Variants in ADGRL3 observed in about 807,000 individuals in gnomAD.
ADGRL3 encodes the protein calcium-independent alpha-latrotoxin receptor 3.
In ADGRL3, 62 loss-of-function variants were observed where a neutral mutation model predicts 153.5. The ratio of observed to expected loss-of-function variants is 0.40; its 90% CI spans 0.33 to 0.50. The LOEUF (loss-of-function observed/expected upper bound fraction) is 0.50. Ranked by LOEUF, ADGRL3 falls within the 20% of genes least tolerant of loss-of-function variation. The pLI is 0.47. For missense variants in ADGRL3, 1,641 were observed against 1,859.4 expected (o/e 0.88, Z 2.16); for synonymous variants, 710 against 672.5 (o/e 1.06, Z -0.86).
chr4:62,070,170 C>A lies in ADGRL3; in HGVS notation c.3894C>A (p.Asn1298Lys). 2 of 1,613,998 alleles carry A rather than the reference C, an allele frequency of 1.2e-6. No individual in the cohort carries two copies. The highest frequency in any genetic ancestry group is 1.7e-6 in the Non-Finnish European group (2 of 1,179,990). Residue 1298 changes from asparagine to lysine, a missense_variant, in exon 27 of 27, where the codon AAC (asparagine) becomes AAA (lysine). By Grantham distance (94) the Asn-to-Lys change is moderately conservative. Around this residue, in one of 5 missense-constraint regions of ADGRL3, gnomAD observed 517 missense variants for 555.0 expected, o/e 0.93. Coordinates refer to ENST00000683033, the MANE Select transcript of ADGRL3 (RefSeq NM_001387552.1). ...TGGATACTCTACCACTGAATGGTAA[C>A]CATGGCAATAGTTACAGCATTGCCA... ...SVMDTLPLNG[N>K]HGNSYSIASG...
Position 61,965,601 on chromosome 4 carries a change from A to T in ADGRL3, c.2806-13962A>T, listed in dbSNP as rs916304640. Among the ~76,000 whole-genome samples, 7 of 152,096 alleles carry T rather than the reference A, an allele frequency of 4.6e-5. No homozygotes were observed. The South Asian group carries it at 1.0e-3, about 23-fold the overall frequency. ...CATCTCTACTAAAAATACAAAAAAA[A>T]TTAGCCAGGCTTGGTGGCAGGCACC... is the stretch of plus-strand genomic sequence containing the variant. On this transcript the variant is annotated intron_variant, in intron 17 of 26. Coordinates refer to ENST00000683033, the MANE Select transcript of ADGRL3 (RefSeq NM_001387552.1).
intron 1 of ADGRL3, among the ~76,000 whole-genome samples, chr4:61,254,203 AC>A (rs1390928260): frequency 6.6e-6 from 1 of 152,108 alleles, no homozygotes; most frequent in Non-Finnish European, 1.5e-5. Context: ...AAAAGCATTC[AC>A]CGTACAGTCC....
intron 1 of ADGRL3, among the ~76,000 whole-genome samples, chr4:61,295,154 G>A (rs2094364331): frequency 6.6e-6 from 1 of 151,942 alleles, no homozygotes; most frequent in Non-Finnish European, 1.5e-5. Flanking sequence ...CTGTCTATGG[G>A]CCCCATCCTT....
intron 1 of ADGRL3, among the ~76,000 whole-genome samples, chr4:61,293,631 A>G (rs914495097): frequency 1.3e-5 from 2 of 152,204 alleles, no homozygotes; most frequent in African/African-American, 4.8e-5. Context: ...AGAAATTAAT[A>G]GATTCAGATG....
chr4:61,972,629 T>A (rs1277599442), intron 17 of ADGRL3, among the ~76,000 whole-genome samples: 4 of 152,202 alleles, frequency 2.6e-5, no homozygotes, highest in African/African-American at 7.2e-5. Context: ...TAGGATTGAC[T>A]TCACGATTCA....
intron 1 of ADGRL3, among the ~76,000 whole-genome samples, chr4:61,228,459 T>C (rs1748974809): frequency 6.6e-6 from 1 of 152,194 alleles, no homozygotes; most frequent in African/African-American, 2.4e-5. Context: ...TCTGTAATAC[T>C]ATGAAAGTTA....
intron 1 of ADGRL3, among the ~76,000 whole-genome samples, chr4:61,307,151 A>G (rs2094819598): frequency 6.6e-6 from 1 of 152,212 alleles, no homozygotes; most frequent in Admixed American, 6.5e-5. Flanking sequence ...GCTTTTAGCC[A>G]AAATGAAAAT....
At chr4:61,398,886 T>C (rs1254209775) in intron 2 of ADGRL3, among the ~76,000 whole-genome samples, 1 of 151,694 alleles carries the variant, frequency 6.6e-6, no homozygotes, top group Non-Finnish European at 1.5e-5. Flanking sequence ...ATGTGTACTT[T>C]TTCTCCTTCC....
chr4:61,438,472 G>A (rs2060404034), intron 2 of ADGRL3, among the ~76,000 whole-genome samples: 1 of 151,376 alleles, frequency 6.6e-6, no homozygotes, highest in Admixed American at 6.6e-5. Flanking sequence ...CTTAGTGATA[G>A]TACACTAAGT....
chr4:61,240,627 G>T (rs1038091839), intron 1 of ADGRL3, among the ~76,000 whole-genome samples: 1 of 152,062 alleles, frequency 6.6e-6, no homozygotes, highest in Non-Finnish European at 1.5e-5. Context: ...ACATTAACTC[G>T]ATTTTTTTAA....
At chr4:61,734,709 C>T (rs2096486754) in intron 8 of ADGRL3, among the ~76,000 whole-genome samples, 1 of 152,156 alleles carries the variant, frequency 6.6e-6, no homozygotes. Flanking sequence ...CTAGCCATAA[C>T]AGTCTTCTCC....
chr4:61,654,291 A>T (rs912179965), intron 5 of ADGRL3, among the ~76,000 whole-genome samples: 2 of 151,952 alleles, frequency 1.3e-5, no homozygotes, highest in African/African-American at 4.8e-5. Context: ...AAATTTTTGA[A>T]TTTTTTCTTA....
chr4:62,022,363 T>A (rs2099242048), intron 21 of ADGRL3, among the ~76,000 whole-genome samples: 2 of 152,144 alleles, frequency 1.3e-5, no homozygotes, highest in Non-Finnish European at 2.9e-5. Context: ...GCCAGCTCCA[T>A]AACATGGAAC....
At chr4:61,385,526 C>T (rs1349440388) in intron 2 of ADGRL3, 1 of 152,192 alleles carries the variant, frequency 6.6e-6, no homozygotes. Context: ...CCGTGAATTT[C>T]ACAGCTTCTC....
intron 21 of ADGRL3, among the ~76,000 whole-genome samples, chr4:61,998,731 A>G (rs766287665): frequency 1.4e-4 from 21 of 151,916 alleles, no homozygotes; most frequent in Non-Finnish European, 2.5e-4. Flanking sequence ...GCCCACGACC[A>G]TGCCCTGCTA....
rs140768674 is a variant in ADGRL3, at chr4:61,703,479, A to T, written c.583+26544A>T. Among the ~76,000 whole-genome samples, 6 of 152,268 alleles carry T rather than the reference A, an allele frequency of 3.9e-5. 1 individual carries two copies. The highest frequency in any genetic ancestry group is 1.4e-4 in the African/African-American group (6 of 41,578). Reference sequence around the variant, plus strand: ...AGTATTTAATTATTTTTACATAAACATCCTGTGTTAGACATCTATCTGGTT... The same window carrying T: ...AGTATTTAATTATTTTTACATAAACTTCCTGTGTTAGACATCTATCTGGTT... On this transcript the variant is annotated intron_variant, in intron 6 of 26. Transcript: ENST00000683033.
intron 4 of ADGRL3, among the ~76,000 whole-genome samples, chr4:61,517,837 T>G (rs2098506890): frequency 6.6e-6 from 1 of 152,226 alleles, no homozygotes; most frequent in Non-Finnish European, 1.5e-5. Flanking sequence ...TTGTAAAATT[T>G]GAAAGGCTGT....
chr4:61,917,117 A>G (rs754553081), intron 13 of ADGRL3, among the ~76,000 whole-genome samples: 8 of 152,176 alleles, frequency 5.3e-5, no homozygotes, highest in Non-Finnish European at 1.2e-4. Context: ...GACCCAGGGA[A>G]GGTTAAATGA....
At chr4:61,604,006 G>A (rs981036218) in intron 5 of ADGRL3, among the ~76,000 whole-genome samples, 4 of 152,150 alleles carry the variant, frequency 2.6e-5, no homozygotes, top group Non-Finnish European at 5.9e-5. Flanking sequence ...CTGCATGAGA[G>A]AGACATTTGG....
Sources: gnomAD v4.1 joint callset for allele counts (sites outside exome capture counted in the v4.1 genomes callset) on GRCh38, gnomAD v4.1.1 for gene constraint, gnomAD v4.1.1 regional missense constraint, MANE v1.5 for transcripts, NCBI Gene and HGNC (gene_info 2026-07-23, HGNC 2026-07-21) for gene names.